BPIFC: variants seen among roughly 807,000 people sequenced by gnomAD.
BPIFC encodes BPI fold containing family C.
In BPIFC, 60 loss-of-function variants were observed where a neutral mutation model predicts 57.6. The observed-to-expected ratio is 1.04, with a 90% CI of 0.85 to 1.29. The LOEUF (loss-of-function observed/expected upper bound fraction) is 1.29. Ranked by LOEUF, BPIFC falls within the 50% of genes most tolerant of loss-of-function variation. The pLI is 0.00. For synonymous variants in BPIFC, 243 were observed against 224.5 expected (o/e 1.08, Z -0.74); for missense variants, 581 against 600.5 (o/e 0.97, Z 0.34).
chr22:32,435,597 TA>T, intron 10 of BPIFC, 106 bp downstream of exon 10: 6 of 1,209,444 alleles, frequency 5.0e-6, no homozygotes, highest in Admixed American at 2.5e-5. Context: ...AGTGATAGCC[TA>T]AAAAGGTCCC....
In BPIFC at chr22:32,456,233, G is replaced by A. The variant is rs551747981; in HGVS notation, c.124+1030C>T. 3.3e-5 allele frequency among the ~76,000 whole-genome samples: 5 copies of A among 152,276 alleles called. No homozygotes were observed. In the East Asian group the frequency reaches 7.7e-4, roughly 23 times the overall value. On this transcript the variant is annotated intron_variant, in intron 3 of 16. Coordinates refer to ENST00000300399, the MANE Select transcript of BPIFC (RefSeq NM_174932.3). ...GTATAGTAACAAGATACACACACAT[G>A]CATATACACATACATATATTCCTGG... is the stretch of plus-strand genomic sequence containing the variant.
chr22:32,439,337 A>T (rs77783794), intron 8 of BPIFC, among the ~76,000 whole-genome samples: 1 of 150,860 alleles, frequency 6.6e-6, no homozygotes, highest in African/African-American at 2.5e-5. Context: ...AAAAAAAAAA[A>T]TAAATGAAAG....
chr22:32,462,168 C>CAAAAAAAAAAAAAAAAAAAAGAAAA (rs1935174904), intron 1 of BPIFC, among the ~76,000 whole-genome samples: 2 of 53,602 alleles, frequency 3.7e-5, no homozygotes, highest in African/African-American at 1.4e-4. Context: ...GACTCCATCT[C>CAAAAAAAAAAAAAAAAAAAAGAAAA]AAAAAAAAAA....
At chr22:32,447,631 G>C (rs2145953802) in intron 4 of BPIFC, among the ~76,000 whole-genome samples, 1 of 139,422 alleles carries the variant, frequency 7.2e-6, no homozygotes, top group South Asian at 2.2e-4. Context: ...TTTTGAGACA[G>C]GGTCTCATTT....
rs1556036074 is a variant in BPIFC, at chr22:32,423,577, G to GGGGTGTGTGT, written c.1218-4174_1218-4173insACACACACCC. On this transcript the variant is annotated intron_variant, in intron 13 of 16. Transcript: ENST00000300399. ...TGCTTGGGAGGAGTTGTAGGGTGTG[G>GGGGTGTGTGT]GTGTGTGTGTGTGTGTGTGTGTGTG... Among the ~76,000 whole-genome samples the GGGGTGTGTGT allele has an allele frequency of 6.0e-3, 862 of 143,260 alleles. 13 individuals are homozygous for GGGGTGTGTGT. The highest frequency in any genetic ancestry group is 0.02 in the African/African-American group (753 of 37,458). 94.0% of individuals were successfully genotyped at this position (143,260 alleles called of 152,430 possible).
rs1231725049 is a variant in BPIFC, at chr22:32,414,254, T to C, written c.*49A>G. 1.2e-6 allele frequency: 2 copies of C among 1,603,236 alleles called. No individual in the cohort carries two copies. Among genetic ancestry groups the C allele is most frequent in the Admixed American group, 3.4e-5 (2 of 58,576 alleles). On this transcript the variant is annotated 3_prime_UTR_variant, in exon 17 of 17. Coordinates refer to ENST00000300399, the MANE Select transcript of BPIFC (RefSeq NM_174932.3). ...CTTTCCCTTCTGGGTTTACAGTAGT[T>C]GTAGGATTAAGGACCATTTACTTCC...
chr22:32,442,811 A>T, intron 7 of BPIFC, 80 bp from the exon 8 acceptor site: 1 of 1,319,366 alleles, frequency 7.6e-7, no homozygotes, highest in East Asian at 2.4e-5. Context: ...TAGACCCTGC[A>T]AACAAAGGCC....
intron 3 of BPIFC, among the ~76,000 whole-genome samples, chr22:32,456,613 T>C (rs1935045059): frequency 6.6e-6 from 1 of 152,186 alleles, no homozygotes; most frequent in Non-Finnish European, 1.5e-5. Flanking sequence ...AACCTACCCT[T>C]AGCTAATCTC....
At chr22:32,452,343 A>G (rs1568958619) in intron 4 of BPIFC, among the ~76,000 whole-genome samples, 5 of 149,700 alleles carry the variant, frequency 3.3e-5, no homozygotes, top group Admixed American at 3.3e-4. Context: ...TTGTCAAAAC[A>G]TCTTGGTTTT....
chr22:32,436,571 C>T, intron 9 of BPIFC, among the ~76,000 whole-genome samples: 1 of 152,304 alleles, frequency 6.6e-6, no homozygotes, highest in Non-Finnish European at 1.5e-5. Flanking sequence ...TTTCAAAGCT[C>T]TTAGGATTCT....
chr22:32,463,922 T>C (rs1456318834), intron 1 of BPIFC, among the ~76,000 whole-genome samples: 1 of 152,210 alleles, frequency 6.6e-6, no homozygotes, highest in Admixed American at 6.5e-5. Context: ...TGGCAGGATC[T>C]AGGTCACTGA....
intron 13 of BPIFC, among the ~76,000 whole-genome samples, chr22:32,424,630 CTTCTTCTT>C (rs1164665260): frequency 0.027 from 1,587 of 59,186 alleles, 214 homozygotes; most frequent in East Asian, 0.082. Context: ...TCCTCCTCCT[CTTCTTCTT>C]CTTCTCTTCT....
chr22:32,464,427 T>G lies in BPIFC; in HGVS notation c.-142A>C, dbSNP rs1188090587. 5.1e-6 allele frequency: 5 copies of G among 985,148 alleles called. No individual in the cohort carries two copies. Among genetic ancestry groups the G allele is most frequent in the Admixed American group, 1.2e-4 (2 of 16,244 alleles). 61.0% of individuals were successfully genotyped at this position (985,148 alleles called of 1,614,324 possible). On this transcript the variant is annotated 5_prime_UTR_variant, in exon 1 of 17. Coordinates refer to ENST00000300399, the MANE Select transcript of BPIFC (RefSeq NM_174932.3). ...AGAGCACCTTCGATTCTCTCTGCCT[T>G]TGAAGCTGATGTGTTCTCCACCTTG...
At chr22:32,453,183 A>G (rs752399337) in intron 4 of BPIFC, among the ~76,000 whole-genome samples, 200 bp downstream of exon 4, 3 of 152,162 alleles carry the variant, frequency 2.0e-5, no homozygotes, top group Non-Finnish European at 4.4e-5. Flanking sequence ...TGCCTGAAAC[A>G]TGATGATTTG....
Position 32,432,567 on chromosome 22 carries a change from T to G in BPIFC, c.979-24A>C, listed in dbSNP as rs375731943. 5.5e-5 allele frequency: 88 copies of G among 1,610,198 alleles called. 1 individual carries two copies. The highest frequency in any genetic ancestry group is 3.0e-4 in the South Asian group (27 of 90,898). ...ATCTGCCCACATTCCGAGAAAGAAATAAAGATTGTGAGGCGTGAGTTGGTG... is the reference window on the plus strand; with the variant it reads ...ATCTGCCCACATTCCGAGAAAGAAAGAAAGATTGTGAGGCGTGAGTTGGTG... On this transcript the variant is annotated intron_variant, in intron 11 of 16. Transcript: ENST00000300399.
chr22:32,453,624 A>T (rs1215678935), intron 3 of BPIFC, 121 bp from the exon 4 acceptor site: 1 of 1,261,430 alleles, frequency 7.9e-7, no homozygotes, highest in Non-Finnish European at 1.0e-6. Context: ...AGAAAATGGC[A>T]ACCCCACAAA....
At chr22:32,428,486 A>C (rs2145924051) in intron 13 of BPIFC, among the ~76,000 whole-genome samples, 1 of 152,256 alleles carries the variant, frequency 6.6e-6, no homozygotes, top group East Asian at 1.9e-4. Context: ...TATTGTGCCT[A>C]AAGGAAGCTA....
rs915135048 is a variant in BPIFC at position 32,464,438 on chromosome 22, G to A, written c.-153C>T. On this transcript the variant is annotated 5_prime_UTR_variant, in exon 1 of 17. Coordinates refer to ENST00000300399, the MANE Select transcript of BPIFC (RefSeq NM_174932.3). The stretch of plus-strand genomic sequence containing the variant: ...GATTCTCTCTGCCTTTGAAGCTGAT[G>A]TGTTCTCCACCTTGCGCCTTAAACT... 1 of 985,230 alleles carries A rather than the reference G, an allele frequency of 1.0e-6. No individual in the cohort carries two copies. Among genetic ancestry groups the A allele is most frequent in the Non-Finnish European group, 1.2e-6 (1 of 829,928 alleles). 61.0% of individuals were successfully genotyped at this position (985,230 alleles called of 1,614,324 possible).
intron 8 of BPIFC, among the ~76,000 whole-genome samples, chr22:32,440,109 T>C (rs1405879680): frequency 1.3e-5 from 2 of 152,124 alleles, no homozygotes; most frequent in African/African-American, 4.8e-5. Flanking sequence ...TTTTCTTTCA[T>C]CCATCTGCAT....
Sources: allele counts gnomAD v4.1 joint callset (sites outside exome capture counted in the v4.1 genomes callset), GRCh38; gene constraint gnomAD v4.1.1; transcripts MANE v1.5; gene names NCBI Gene and HGNC (gene_info 2026-07-23, HGNC 2026-07-21).